The following TICAM2 variants were observed in gnomAD, a reference collection of about 807,000 sequenced individuals.
TICAM2 encodes TIR domain-containing adapter molecule 2.
TICAM2 carries 8 observed loss-of-function variants against 7.3 expected under a neutral mutation model. The ratio of observed to expected loss-of-function variants is 1.10; its 90% CI spans 0.65 to 1.99. TICAM2 has a LOEUF of 1.99. Among genes scored for constraint, TICAM2 ranks in the 30% most tolerant of loss-of-function variants. TICAM2 has a pLI of 0.00. For synonymous variants in TICAM2, 113 were observed against 99.6 expected (o/e 1.13, Z -0.80); for missense variants, 304 against 278.8 (o/e 1.09, Z -0.65).
At position 115,579,164 on chromosome 5, in the gene TICAM2, T is replaced by C. The variant is rs1048112817; in HGVS notation, c.*1385A>G. 1 of 152,648 alleles carries C rather than the reference T, an allele frequency of 6.6e-6. No individual in the cohort carries two copies. Among genetic ancestry groups the C allele is most frequent in the Non-Finnish European group, 1.5e-5 (1 of 68,026 alleles). 9.5% of individuals were successfully genotyped at this position (152,648 alleles called of 1,614,324 possible). ...TGACAGCATTAAAAATAAATTATGC[T>C]GTCAATATACAAAAAATATCTTTTC... On this transcript the variant is annotated 3_prime_UTR_variant, in exon 2 of 2. Coordinates refer to ENST00000427199, the MANE Select transcript of TICAM2 (RefSeq NM_021649.7).
At chr5:115,592,497 C>T (rs2127201346) in intron 1 of TICAM2, among the ~76,000 whole-genome samples, 1 of 152,232 alleles carries the variant, frequency 6.6e-6, no homozygotes, top group South Asian at 2.1e-4. Flanking sequence ...CTTCCTAACC[C>T]TCTCTCTCAA....
chr5:115,581,979 C>G (rs1327640854), intron 1 of TICAM2: 3 of 151,966 alleles, frequency 2.0e-5, no homozygotes, highest in Non-Finnish European at 2.9e-5. Flanking sequence ...ATATCTTTTT[C>G]CAACGAATCC....
chr5:115,583,918 T>G (rs1171331790), intron 1 of TICAM2, among the ~76,000 whole-genome samples: 2 of 152,216 alleles, frequency 1.3e-5, no homozygotes, highest in Non-Finnish European at 2.9e-5. Flanking sequence ...AGGTTTCACC[T>G]CCTTGCTTCA....
chr5:115,586,420 A>G (rs1037004789), intron 1 of TICAM2, among the ~76,000 whole-genome samples: 2 of 29,792 alleles, frequency 6.7e-5, no homozygotes, highest in African/African-American at 3.4e-4. Context: ...GAGTGTTGGA[A>G]AAAAAAAAAA....
At chr5:115,587,454 T>A (rs1304117613) in intron 1 of TICAM2, among the ~76,000 whole-genome samples, 1 of 152,084 alleles carries the variant, frequency 6.6e-6, no homozygotes, top group Non-Finnish European at 1.5e-5. Context: ...GAAGTTTAGG[T>A]TTGTAAAGAA....
At chr5:115,583,943 G>A (rs540038068) in intron 1 of TICAM2, among the ~76,000 whole-genome samples, 1 of 152,326 alleles carries the variant, frequency 6.6e-6, no homozygotes, top group African/African-American at 2.4e-5. Flanking sequence ...AATGGAAGGA[G>A]AGTGAGGGTG....
At chr5:115,596,097 T>C (rs1375928608) in intron 1 of TICAM2, among the ~76,000 whole-genome samples, 1 of 152,198 alleles carries the variant, frequency 6.6e-6, no homozygotes, top group Non-Finnish European at 1.5e-5. Flanking sequence ...TACCTTCCTC[T>C]TACTCTCCTA....
At chr5:115,593,490 C>A (rs1561577472) in intron 1 of TICAM2, among the ~76,000 whole-genome samples, 1 of 151,970 alleles carries the variant, frequency 6.6e-6, no homozygotes, top group South Asian at 2.1e-4. Flanking sequence ...GATTTCCACA[C>A]AGAAATATTA....
chr5:115,592,644 G>A (rs926404640), intron 1 of TICAM2, among the ~76,000 whole-genome samples: 9 of 152,134 alleles, frequency 5.9e-5, no homozygotes, highest in Admixed American at 3.3e-4. Flanking sequence ...CCCAACTCAT[G>A]TTTATGAGGC....
At chr5:115,591,167 C>G (rs947624875) in intron 1 of TICAM2, among the ~76,000 whole-genome samples, 1 of 152,176 alleles carries the variant, frequency 6.6e-6, no homozygotes, top group Non-Finnish European at 1.5e-5. Context: ...CGACTCTCCC[C>G]CTAGAGTATT....
chr5:115,586,603 G>C (rs1755115694), intron 1 of TICAM2, among the ~76,000 whole-genome samples: 1 of 152,082 alleles, frequency 6.6e-6, no homozygotes, highest in Admixed American at 6.5e-5. Context: ...TGGTCAAGTA[G>C]GGTGACCGAT....
chr5:115,582,842 A>C (rs1007043619), intron 1 of TICAM2, among the ~76,000 whole-genome samples: 1 of 151,646 alleles, frequency 6.6e-6, no homozygotes. Flanking sequence ...ACTGTTCAAC[A>C]AAAGTGGTGA....
chr5:115,584,279 T>C (rs1049857781), intron 1 of TICAM2, among the ~76,000 whole-genome samples: 6 of 152,206 alleles, frequency 3.9e-5, no homozygotes, highest in African/African-American at 1.2e-4. Flanking sequence ...GACATATAAA[T>C]CCCAAACAGC....
chr5:115,597,364 A>T (rs1264261790), intron 1 of TICAM2, among the ~76,000 whole-genome samples: 1 of 152,236 alleles, frequency 6.6e-6, no homozygotes, highest in Non-Finnish European at 1.5e-5. Flanking sequence ...TTTTATTATC[A>T]TAAGAGATCT....
In TICAM2 at chr5:115,596,835, C is replaced by T. The variant is rs942368432; in HGVS notation, c.-60+5262G>A. 4.6e-5 allele frequency among the ~76,000 whole-genome samples: 7 copies of T among 152,234 alleles called. No homozygotes were observed. The East Asian group carries it at 1.2e-3, about 25-fold the overall frequency. On this transcript the variant is annotated intron_variant, in intron 1 of 1. Transcript: ENST00000427199. ...TCGGGAGGCTGAGGCAGGAGAATGG[C>T]GTGAACCTAGGAGGTGGAGCTTGCA...
chr5:115,590,957 T>C (rs1180933252), intron 1 of TICAM2, among the ~76,000 whole-genome samples: 1 of 152,216 alleles, frequency 6.6e-6, no homozygotes, highest in African/African-American at 2.4e-5. Flanking sequence ...TCTTGGCCTG[T>C]TTCTCAAATA....
At position 115,579,423 on chromosome 5, in the gene TICAM2, G is replaced by C. The variant is rs916339479; in HGVS notation, c.*1126C>G. On this transcript the variant is annotated 3_prime_UTR_variant, in exon 2 of 2. Transcript: ENST00000427199. The stretch of plus-strand genomic sequence containing the variant: ...AAATTGGACTAGAACCAAGTCTCAT[G>C]ATCCCGAAGAGGGCTTTTCTCATTA... 5.3e-5 allele frequency: 8 copies of C among 152,202 alleles called. No homozygotes were observed. Among genetic ancestry groups the C allele is most frequent in the Non-Finnish European group, 4.4e-5 (3 of 68,054 alleles). The allele number at this position is 152,202 out of a possible 1,614,324, so 9.4% of individuals were successfully genotyped here.
intron 1 of TICAM2, among the ~76,000 whole-genome samples, chr5:115,593,531 A>G (rs1755391136): frequency 6.6e-6 from 1 of 152,230 alleles, no homozygotes; most frequent in African/African-American, 2.4e-5. Flanking sequence ...AAAGTACTAA[A>G]TAAATGCACA....
At chr5:115,595,709 T>C (rs1022709536) in intron 1 of TICAM2, among the ~76,000 whole-genome samples, 1 of 152,214 alleles carries the variant, frequency 6.6e-6, no homozygotes, top group Non-Finnish European at 1.5e-5. Context: ...TCCATAAAAT[T>C]TGCTCCTACC....
Sources: allele counts gnomAD v4.1 joint callset (sites outside exome capture counted in the v4.1 genomes callset), GRCh38; gene constraint gnomAD v4.1.1; transcripts MANE v1.5; gene names NCBI Gene and HGNC (gene_info 2026-07-23, HGNC 2026-07-21).